The following PACS2 variants were observed in gnomAD, a reference collection of about 807,000 sequenced individuals.
PACS2 encodes PACS1-like protein.
A neutral mutation model predicts 113.0 loss-of-function variants in PACS2; 36 were observed. The ratio of observed to expected loss-of-function variants is 0.32; its 90% CI spans 0.24 to 0.42. PACS2 has a LOEUF of 0.42. Among genes scored for constraint, PACS2 ranks in the 10% least tolerant of loss-of-function variants. PACS2 has a pLI of 1.00. For synonymous variants in PACS2, 589 were observed against 536.1 expected (o/e 1.10, Z -1.36); for missense variants, 1,015 against 1,239.5 (o/e 0.82, Z 2.72).
In PACS2 at chr14:105,376,721, A is replaced by G. The variant is rs373397233; in HGVS notation, c.802-47A>G. ...GGGTCTCGGGCGCCCCCAGTGGGGC[A>G]ATGTGGGCTGCTGCAGGGAACTCAC... On this transcript the variant is annotated intron_variant, in intron 8 of 24. Coordinates refer to ENST00000447393, the MANE Select transcript of PACS2 (RefSeq NM_001100913.3). The surrounding 1 kb of genome is among the most constrained non-coding windows in gnomAD (Gnocchi z 4.7). 2.7e-4 allele frequency: 426 copies of G among 1,593,252 alleles called. No homozygotes were observed. The highest frequency in any genetic ancestry group is 3.5e-4 in the Non-Finnish European group (405 of 1,167,230).
chr14:105,343,985 G>A (rs1040455176), intron 1 of PACS2, among the ~76,000 whole-genome samples: 1 of 149,336 alleles, frequency 6.7e-6, no homozygotes, highest in Non-Finnish European at 1.5e-5. Context: ...CAGCACTTTG[G>A]GAGGCTGAGG....
At chr14:105,327,311 G>T (rs1020396125) in intron 1 of PACS2, among the ~76,000 whole-genome samples, 3 of 152,214 alleles carry the variant, frequency 2.0e-5, no homozygotes, top group African/African-American at 4.8e-5. Context: ...GGGGATGTGC[G>T]CGGCCAGGTC....
chr14:105,356,153 G>C lies in PACS2; in HGVS notation c.423+976G>C, dbSNP rs2060436512. Among the ~76,000 whole-genome samples, 1 of 152,100 alleles carries C rather than the reference G, an allele frequency of 6.6e-6. No individual in the cohort carries two copies. The highest frequency in any genetic ancestry group is 1.5e-5 in the Non-Finnish European group (1 of 67,992). On this transcript the variant is annotated intron_variant, in intron 4 of 24. Transcript: ENST00000447393. This position sits in a 1 kb window ranked among gnomAD's most constrained non-coding sequence, Gnocchi z 4.0. Reference sequence around the variant, plus strand: ...GGGACAGTGGGGGTGCCCACTTGTAGCTGGTTCCCCCACACCCCCAGGCCC... The same window carrying C: ...GGGACAGTGGGGGTGCCCACTTGTACCTGGTTCCCCCACACCCCCAGGCCC...
intron 19 of PACS2, chr14:105,389,307 C>G (rs977407210): frequency 6.5e-6 from 1 of 152,778 alleles, no homozygotes; most frequent in African/African-American, 2.4e-5. Flanking sequence ...CTCCACTGCC[C>G]GCTGAGTACA....
chr14:105,385,654 C>CT, intron 18 of PACS2, 31 bp from the exon 19 acceptor site: 1 of 1,503,974 alleles, frequency 6.6e-7, no homozygotes, highest in Middle Eastern at 1.7e-4. Flanking sequence ...CGTAACGTGT[C>CT]TGTTTTCTCT....
At chr14:105,359,587 CTTTTTTTTTTT>C (rs1162190552) in intron 4 of PACS2, among the ~76,000 whole-genome samples, 1 of 101,810 alleles carries the variant, frequency 9.8e-6, no homozygotes, top group African/African-American at 4.1e-5. Context: ...GTATTTCTTT[CTTTTTTTTTTT>C]TTTTTTTTTT....
intron 2 of PACS2, among the ~76,000 whole-genome samples, chr14:105,351,818 C>T (rs147001501): frequency 1.3e-5 from 2 of 152,202 alleles, no homozygotes; most frequent in African/African-American, 4.8e-5. Context: ...GCCCCACAGC[C>T]TGGGTGACAG....
intron 1 of PACS2, among the ~76,000 whole-genome samples, chr14:105,339,699 TA>T (rs199609177): frequency 0.024 from 3,162 of 133,692 alleles, 62 homozygotes; most frequent in African/African-American, 0.061. Context: ...CTGTCTCTAT[TA>T]AAAAAAAAAA....
At chr14:105,341,478 A>G (rs918028810) in intron 1 of PACS2, among the ~76,000 whole-genome samples, 11 of 152,180 alleles carry the variant, frequency 7.2e-5, no homozygotes, top group African/African-American at 2.7e-4. Context: ...TGTTGAATCT[A>G]TTACAGCTGC....
At chr14:105,301,490 C>T (rs1001417412) in intron 1 of PACS2, among the ~76,000 whole-genome samples, 1 of 151,780 alleles carries the variant, frequency 6.6e-6, no homozygotes, top group East Asian at 2.0e-4. Flanking sequence ...GGGACCCAAC[C>T]CCGGGCTCTG....
chr14:105,391,374 C>A, intron 21 of PACS2, 125 bp downstream of exon 21: 1 of 765,726 alleles, frequency 1.3e-6, no homozygotes, highest in Non-Finnish European at 2.2e-6. Context: ...CCCAGTCTTG[C>A]TGTGGTGCTT....
chr14:105,336,901 C>T (rs587636373), intron 1 of PACS2, among the ~76,000 whole-genome samples: 2 of 150,504 alleles, frequency 1.3e-5, no homozygotes, highest in East Asian at 3.9e-4. Context: ...CCCGGGAGCA[C>T]TGACGCAGGG....
Position 105,327,916 on chromosome 14 carries a change from C to T in PACS2, c.119+12879C>T, listed in dbSNP as rs587661558. On this transcript the variant is annotated intron_variant, in intron 1 of 24. Coordinates refer to ENST00000447393, the MANE Select transcript of PACS2 (RefSeq NM_001100913.3). ...TCACCGGCCCAGGCCACCCGAGGGGCCATTGACAACTGAGCCTTGGCTCAC... is the reference window on the plus strand; with the variant it reads ...TCACCGGCCCAGGCCACCCGAGGGGTCATTGACAACTGAGCCTTGGCTCAC... Among the ~76,000 whole-genome samples, 63 of 152,082 alleles carry T rather than the reference C, an allele frequency of 4.1e-4. 1 individual carries two copies. The East Asian group carries it at 0.012, about 29-fold the overall frequency.
chr14:105,383,051 C>A, intron 15 of PACS2, 138 bp downstream of exon 15: 1 of 639,944 alleles, frequency 1.6e-6, no homozygotes. Context: ...CTGACCCATG[C>A]GCTCTTCGCA....
upstream of PACS2, among the ~76,000 whole-genome samples, chr14:105,309,974 CG>C (rs1566886840): frequency 6.6e-6 from 1 of 151,264 alleles, no homozygotes; most frequent in African/African-American, 2.4e-5. This position sits in a 1 kb window ranked among gnomAD's most constrained non-coding sequence, Gnocchi z 4.0. Flanking sequence ...TTAGTAGAGA[CG>C]GGGTTTCAGT....
chr14:105,382,106 C>A, intron 13 of PACS2, 48 bp downstream of exon 13: 6 of 1,517,788 alleles, frequency 4.0e-6, no homozygotes, highest in Non-Finnish European at 5.3e-6. Flanking sequence ...CTCGTGGTCA[C>A]CCTGGCACCA....
chr14:105,340,581 G>A lies in PACS2; in HGVS notation c.120-7912G>A, dbSNP rs2059685328. ...AATAGGGTTCTTCCGGAGCTCAGGT[G>A]GGAATGCTCACTCCCTGGTGCTCAT... On this transcript the variant is annotated intron_variant, in intron 1 of 24. Coordinates refer to ENST00000447393, the MANE Select transcript of PACS2 (RefSeq NM_001100913.3). The surrounding 1 kb of genome is among the most constrained non-coding windows in gnomAD (Gnocchi z 4.2). 1.3e-5 allele frequency among the ~76,000 whole-genome samples: 2 copies of A among 152,226 alleles called. No individual in the cohort carries two copies. Among genetic ancestry groups the A allele is most frequent in the African/African-American group, 4.8e-5 (2 of 41,456 alleles).
At chr14:105,345,364 G>T (rs1452244307) in intron 1 of PACS2, among the ~76,000 whole-genome samples, 2 of 145,000 alleles carry the variant, frequency 1.4e-5, no homozygotes, top group African/African-American at 5.1e-5. Context: ...CTGAGATCAC[G>T]CCACCGCACT....
intron 18 of PACS2, 127 bp from the exon 19 acceptor site, chr14:105,385,558 G>A (rs587630286): frequency 4.9e-5 from 28 of 570,606 alleles, no homozygotes; most frequent in Middle Eastern, 3.5e-4. Context: ...CAAAGCCAGC[G>A]CTCACGGGCT....
Sources: allele counts gnomAD v4.1 joint callset (sites outside exome capture counted in the v4.1 genomes callset), GRCh38; gene constraint gnomAD v4.1.1; non-coding constraint Gnocchi (gnomAD v3.1); transcripts MANE v1.5; gene names NCBI Gene and HGNC (gene_info 2026-07-23, HGNC 2026-07-21).